The following PTPRK variants were observed in gnomAD, a reference collection of about 807,000 sequenced individuals.
The protein encoded by PTPRK is protein tyrosine phosphatase receptor type K.
PTPRK carries 75 observed loss-of-function variants against 178.0 expected under a neutral mutation model. The ratio of observed to expected loss-of-function variants is 0.42; its 90% CI spans 0.35 to 0.51. The LOEUF (loss-of-function observed/expected upper bound fraction) is 0.51. Ranked by LOEUF, PTPRK falls within the 20% of genes least tolerant of loss-of-function variation. PTPRK has a pLI of 0.02. For missense variants in PTPRK, 1,441 were observed against 1,797.8 expected (o/e 0.80, Z 3.59); for synonymous variants, 637 against 620.6 (o/e 1.03, Z -0.39).
At position 128,064,750 on chromosome 6, in the gene PTPRK, C is replaced by T. The variant is rs1343405876; in HGVS notation, c.2194+8G>A. 1.3e-5 allele frequency: 21 copies of T among 1,584,422 alleles called. No individual in the cohort carries two copies. The highest frequency in any genetic ancestry group is 1.9e-5 in the Admixed American group (1 of 51,344). ...AGTTAAAACAAGCAAAAAAAGCAAACCTCTTACCTTTTGTAGCAATGCGTA... is the reference window on the plus strand; with the variant it reads ...AGTTAAAACAAGCAAAAAAAGCAAATCTCTTACCTTTTGTAGCAATGCGTA... On this transcript the variant is annotated splice_region_variant and intron_variant, in intron 13 of 29. Coordinates refer to ENST00000368226, the MANE Select transcript of PTPRK (RefSeq NM_002844.4).
chr6:128,283,281 A>G (rs1378448688), intron 3 of PTPRK, among the ~76,000 whole-genome samples: 1 of 152,226 alleles, frequency 6.6e-6, no homozygotes, highest in Non-Finnish European at 1.5e-5. Context: ...AACAAAAAGC[A>G]GAAGCTCTGA....
At chr6:128,332,439 C>T (rs1830398264) in intron 2 of PTPRK, among the ~76,000 whole-genome samples, 2 of 152,276 alleles carry the variant, frequency 1.3e-5, no homozygotes, top group Middle Eastern at 3.4e-3. Context: ...TTGAAGTGCC[C>T]ACCCCACTGA....
chr6:128,474,742 G>A (rs17053280), intron 1 of PTPRK, among the ~76,000 whole-genome samples: 42,172 of 151,984 alleles, frequency 0.28, 6,735 homozygotes, highest in African/African-American at 0.43. Context: ...ACTGTCAACA[G>A]CACAAGGGCA....
At chr6:127,970,752 T>A (rs1450812968) in intron 29 of PTPRK, among the ~76,000 whole-genome samples, 1 of 152,116 alleles carries the variant, frequency 6.6e-6, no homozygotes, top group Non-Finnish European at 1.5e-5. Flanking sequence ...ACTATGTATA[T>A]TTCAAAATAT....
At chr6:128,440,300 A>G (rs921663194) in intron 1 of PTPRK, among the ~76,000 whole-genome samples, 2 of 152,126 alleles carry the variant, frequency 1.3e-5, no homozygotes, top group Non-Finnish European at 2.9e-5. Flanking sequence ...AACTGTCTTC[A>G]TGGTAGGTTA....
chr6:128,455,169 C>A (rs1330857570), intron 1 of PTPRK, among the ~76,000 whole-genome samples: 2 of 152,044 alleles, frequency 1.3e-5, no homozygotes, highest in Non-Finnish European at 1.5e-5. Flanking sequence ...GTGATTCAGA[C>A]TTTCAGTTAA....
chr6:127,970,343 G>T, intron 29 of PTPRK, 63 bp from the exon 30 acceptor site: 2 of 1,347,448 alleles, frequency 1.5e-6, no homozygotes. Flanking sequence ...TTGAATAACA[G>T]TTACCAAATG....
chr6:128,114,917 A>G (rs973325549), intron 7 of PTPRK, among the ~76,000 whole-genome samples: 1 of 152,024 alleles, frequency 6.6e-6, no homozygotes, highest in African/African-American at 2.4e-5. Flanking sequence ...TATATATGTA[A>G]GTATCACAGA....
intron 1 of PTPRK, among the ~76,000 whole-genome samples, chr6:128,448,553 A>G (rs910226697): frequency 5.3e-5 from 8 of 152,206 alleles, no homozygotes; most frequent in Non-Finnish European, 7.3e-5. Context: ...ATGCCACATT[A>G]GGCACTAAAT....
At chr6:128,458,995 TAAA>T (rs899316866) in intron 1 of PTPRK, among the ~76,000 whole-genome samples, 11 of 152,112 alleles carry the variant, frequency 7.2e-5, no homozygotes, top group African/African-American at 2.7e-4. Flanking sequence ...TATATACACT[TAAA>T]AAGCCATCCT....
chr6:128,294,378 T>C (rs1335534268), intron 3 of PTPRK, among the ~76,000 whole-genome samples: 2 of 152,058 alleles, frequency 1.3e-5, no homozygotes, highest in Non-Finnish European at 2.9e-5. Context: ...GGAGTCCTTC[T>C]TTTTTCTTTC....
chr6:128,482,027 G>A (rs879642209), intron 1 of PTPRK, among the ~76,000 whole-genome samples: 19 of 152,086 alleles, frequency 1.2e-4, no homozygotes, highest in Admixed American at 7.2e-4. Flanking sequence ...ACTAATGAAC[G>A]AATCCTGCTT....
chr6:128,520,504 G>T lies in PTPRK; in HGVS notation c.-146C>A. ...CCGCCCGCCCTTTTTCCTTCTTCGC[G>T]GTCGCCAAACTACCTCAGGGGCGAA... On this transcript the variant is annotated 5_prime_UTR_variant, in exon 1 of 30. Transcript: ENST00000368226. 1.4e-6 allele frequency: 1 copy of T among 725,218 alleles called. No homozygotes were observed. The highest frequency in any genetic ancestry group is 2.3e-6 in the Non-Finnish European group (1 of 435,840). The allele number at this position is 725,218 out of a possible 1,614,324, so 44.9% of individuals were successfully genotyped here.
At chr6:128,225,045 T>TA (rs1201887413) in intron 5 of PTPRK, among the ~76,000 whole-genome samples, 1 of 152,188 alleles carries the variant, frequency 6.6e-6, no homozygotes, top group Non-Finnish European at 1.5e-5. Flanking sequence ...ATGGTATAAT[T>TA]AAAATATGTT....
At chr6:128,135,852 T>A (rs574684758) in intron 7 of PTPRK, among the ~76,000 whole-genome samples, 2 of 150,966 alleles carry the variant, frequency 1.3e-5, no homozygotes, top group African/African-American at 4.9e-5. Context: ...AAAATAAAAA[T>A]AATAAAAAAA....
intron 6 of PTPRK, among the ~76,000 whole-genome samples, chr6:128,201,791 G>A (rs1011791773): frequency 6.6e-6 from 1 of 152,008 alleles, no homozygotes; most frequent in African/African-American, 2.4e-5. Context: ...GTTAGGGCAG[G>A]AATCAGTTAA....
chr6:128,158,004 C>A lies in PTPRK; in HGVS notation c.1162+26428G>T, dbSNP rs935816470. 5.3e-5 allele frequency among the ~76,000 whole-genome samples: 8 copies of A among 152,052 alleles called. No homozygotes were observed. In the East Asian group the frequency reaches 1.6e-3, roughly 30 times the overall value. ...GCTTTTGGTGTTTTAGACATGAAGT[C>A]CTTGCCCATGCCTATGTCCTGAATG... On this transcript the variant is annotated intron_variant, in intron 7 of 29. Coordinates refer to ENST00000368226, the MANE Select transcript of PTPRK (RefSeq NM_002844.4).
intron 7 of PTPRK, among the ~76,000 whole-genome samples, chr6:128,134,743 C>T (rs897914854): frequency 6.6e-5 from 10 of 152,012 alleles, no homozygotes; most frequent in African/African-American, 9.7e-5. Context: ...CCCAAGAGGT[C>T]GAGGCTGCAG....
chr6:128,451,090 A>G (rs1847731158), intron 1 of PTPRK, among the ~76,000 whole-genome samples: 1 of 152,212 alleles, frequency 6.6e-6, no homozygotes, highest in Non-Finnish European at 1.5e-5. Context: ...CTCTTAAGCC[A>G]AAAACGGTAT....
Sources: gnomAD v4.1 joint callset for allele counts (sites outside exome capture counted in the v4.1 genomes callset) on GRCh38, gnomAD v4.1.1 for gene constraint, MANE v1.5 for transcripts, NCBI Gene and HGNC (gene_info 2026-07-23, HGNC 2026-07-21) for gene names.